Variants in ADAMTS3 observed in about 807,000 individuals in gnomAD.
ADAMTS3 encodes the protein A disintegrin and metalloproteinase with thrombospondin motifs 3.
Under a neutral mutation model 129.0 loss-of-function variants are expected in ADAMTS3, and 73 were observed. The ratio of observed to expected loss-of-function variants is 0.57; its 90% CI spans 0.47 to 0.69. ADAMTS3 has a LOEUF of 0.69. Ranked by LOEUF, ADAMTS3 falls within the 30% of genes least tolerant of loss-of-function variation. The pLI, the probability that ADAMTS3 is intolerant of heterozygous loss-of-function variation, is 0.00. For synonymous variants in ADAMTS3, 477 were observed against 510.8 expected (o/e 0.93, Z 0.89); for missense variants, 1,457 against 1,514.5 (o/e 0.96, Z 0.63).
At chr4:72,419,326 C>A (rs6816900) in intron 3 of ADAMTS3, among the ~76,000 whole-genome samples, 101,096 of 151,616 alleles carry the variant, frequency 0.67, 34,314 homozygotes, top group South Asian at 0.8. Context: ...AAATTGCTCG[C>A]ACAAAATATG....
At chr4:72,425,707 C>T (rs1722554503) in intron 3 of ADAMTS3, among the ~76,000 whole-genome samples, 1 of 151,912 alleles carries the variant, frequency 6.6e-6, no homozygotes, top group South Asian at 2.1e-4. Context: ...TGTATATGTG[C>T]CACATTTTCT....
intron 3 of ADAMTS3, among the ~76,000 whole-genome samples, chr4:72,450,866 C>T (rs1178810137): frequency 1.3e-5 from 2 of 150,618 alleles, no homozygotes; most frequent in Admixed American, 6.6e-5. Flanking sequence ...CACATCACTA[C>T]CCCCAAAACA....
At chr4:72,367,966 A>C (rs944305368) in intron 4 of ADAMTS3, among the ~76,000 whole-genome samples, 9 of 152,320 alleles carry the variant, frequency 5.9e-5, no homozygotes, top group Non-Finnish European at 8.8e-5. Context: ...TGCATAATGT[A>C]ATTTAAAAAA....
At chr4:72,316,531 C>CA (rs1441353984) in intron 10 of ADAMTS3, among the ~76,000 whole-genome samples, 1 of 151,686 alleles carries the variant, frequency 6.6e-6, no homozygotes, top group African/African-American at 2.4e-5. Context: ...ACTAAAAACA[C>CA]AAAAAAATTG....
intron 3 of ADAMTS3, among the ~76,000 whole-genome samples, chr4:72,513,291 A>G (rs1720365361): frequency 6.6e-6 from 1 of 151,600 alleles, no homozygotes; most frequent in Non-Finnish European, 1.5e-5. Context: ...CCTTACACAC[A>G]CTCCTTTCTT....
intron 3 of ADAMTS3, among the ~76,000 whole-genome samples, chr4:72,471,029 C>G (rs571826062): frequency 2.0e-5 from 3 of 151,984 alleles, no homozygotes; most frequent in Non-Finnish European, 4.4e-5. Flanking sequence ...GTCGAATGAG[C>G]CGTTTTTTCA....
chr4:72,307,990 T>C (rs917457107), intron 15 of ADAMTS3, among the ~76,000 whole-genome samples: 2 of 151,950 alleles, frequency 1.3e-5, no homozygotes, highest in Non-Finnish European at 2.9e-5. Flanking sequence ...CCTTATATTA[T>C]ACATAATATA....
chr4:72,476,204 A>G (rs1013709660), intron 3 of ADAMTS3, among the ~76,000 whole-genome samples: 7 of 151,992 alleles, frequency 4.6e-5, no homozygotes, highest in African/African-American at 1.2e-4. Context: ...CTTTGAAAAG[A>G]TCAATAAAAC....
At chr4:72,529,661 T>A (rs937874112) in intron 3 of ADAMTS3, among the ~76,000 whole-genome samples, 7 of 128,378 alleles carry the variant, frequency 5.5e-5, no homozygotes, top group Non-Finnish European at 1.1e-4. Context: ...AATATATATA[T>A]AAAATATTAA....
In ADAMTS3 at chr4:72,282,975, A is replaced by G. The variant is rs970514841; in HGVS notation, c.*161T>C. On this transcript the variant is annotated 3_prime_UTR_variant, in exon 22 of 22. Transcript: ENST00000286657. ...GTCAATGCAGAACAAAAGGAGGATGAAAGCAACTAGAAAGTGAGCCAGCAC... is the reference window on the plus strand; with the variant it reads ...GTCAATGCAGAACAAAAGGAGGATGGAAGCAACTAGAAAGTGAGCCAGCAC... 1.9e-5 allele frequency: 11 copies of G among 594,408 alleles called. No individual in the cohort carries two copies. Among genetic ancestry groups the G allele is most frequent in the Admixed American group, 1.0e-4 (3 of 29,568 alleles). The allele number at this position is 594,408 out of a possible 1,614,324, so 36.8% of individuals were successfully genotyped here.
intron 3 of ADAMTS3, among the ~76,000 whole-genome samples, chr4:72,419,367 T>C (rs927817637): frequency 7.2e-5 from 11 of 152,170 alleles, no homozygotes; most frequent in African/African-American, 1.4e-4. Flanking sequence ...AAAAATTACA[T>C]GAATGAGTGA....
chr4:72,474,896 G>A (rs112783271), intron 3 of ADAMTS3, among the ~76,000 whole-genome samples: 2 of 151,080 alleles, frequency 1.3e-5, no homozygotes, highest in African/African-American at 4.9e-5. Context: ...GCGTAGTGGC[G>A]GGTGCCTGTA....
intron 3 of ADAMTS3, among the ~76,000 whole-genome samples, chr4:72,418,390 A>C (rs773685984): frequency 6.6e-6 from 1 of 152,158 alleles, no homozygotes; most frequent in East Asian, 1.9e-4. Context: ...CAAGCATGTA[A>C]GGGCTCAAAA....
chr4:72,338,822 A>G (rs1000409274), intron 5 of ADAMTS3, among the ~76,000 whole-genome samples: 5 of 151,878 alleles, frequency 3.3e-5, no homozygotes, highest in Admixed American at 3.3e-4. Context: ...ATTTCTCCTC[A>G]GTTGTTCTCT....
chr4:72,546,689 C>CA lies in ADAMTS3; in HGVS notation c.504+1788dup, dbSNP rs530328122. Among the ~76,000 whole-genome samples, 3 of 152,092 alleles carry CA rather than the reference C, an allele frequency of 2.0e-5. No individual in the cohort carries two copies. In the South Asian group the frequency reaches 6.2e-4, roughly 32 times the overall value. ...AACACATCACATAAAGCCTACTAAC[C>CA]AAAAAAACCTTTATTTTGGCAAATT... On this transcript the variant is annotated intron_variant, in intron 3 of 21. Coordinates refer to ENST00000286657, the MANE Select transcript of ADAMTS3 (RefSeq NM_014243.3).
chr4:72,531,048 T>C (rs2109763659), intron 3 of ADAMTS3, among the ~76,000 whole-genome samples: 1 of 151,436 alleles, frequency 6.6e-6, no homozygotes, highest in African/African-American at 2.4e-5. Flanking sequence ...CAATGCAGCT[T>C]CTATGTGAAG....
chr4:72,458,971 G>A (rs1307901002), intron 3 of ADAMTS3, among the ~76,000 whole-genome samples: 3 of 151,442 alleles, frequency 2.0e-5, no homozygotes, highest in Non-Finnish European at 4.4e-5. Context: ...ACAAAAACTG[G>A]CAAAGCACAG....
At chr4:72,511,075 T>A (rs1720302146) in intron 3 of ADAMTS3, among the ~76,000 whole-genome samples, 1 of 152,146 alleles carries the variant, frequency 6.6e-6, no homozygotes. Context: ...AATATCCATA[T>A]GCAGAAGAAT....
chr4:72,431,711 T>C (rs185394441), intron 3 of ADAMTS3, among the ~76,000 whole-genome samples: 103 of 152,090 alleles, frequency 6.8e-4, no homozygotes, highest in African/African-American at 2.3e-3. Context: ...AGGTAAGGAA[T>C]ACTCAACCTG....
Sources: gnomAD v4.1 joint callset for allele counts (sites outside exome capture counted in the v4.1 genomes callset) on GRCh38, gnomAD v4.1.1 for gene constraint, MANE v1.5 for transcripts, NCBI Gene and HGNC (gene_info 2026-07-23, HGNC 2026-07-21) for gene names.